LARGE1: variants seen among roughly 807,000 people sequenced by gnomAD.
LARGE1 encodes the protein xylosyl- and glucuronyltransferase LARGE1.
LARGE1 carries 43 observed loss-of-function variants against 87.6 expected under a neutral mutation model. The ratio of observed to expected loss-of-function variants is 0.49; its 90% CI spans 0.38 to 0.63. LARGE1 has a LOEUF of 0.63. Ranked by LOEUF, LARGE1 falls within the 30% of genes least tolerant of loss-of-function variation. The probability of loss-of-function intolerance (pLI) is 0.00; values close to 1 mark genes in which losing one functional copy is unlikely to be tolerated. For missense variants in LARGE1, 802 were observed against 1,000.2 expected, an observed-to-expected ratio of 0.80 and a Z score of 2.67; for synonymous variants, 434 against 394.6, an observed-to-expected ratio of 1.10 and a Z score of -1.18.
intron 3 of LARGE1, among the ~76,000 whole-genome samples, chr22:33,643,954 TGG>T (rs1187450942): frequency 6.6e-6 from 1 of 152,148 alleles, no homozygotes; most frequent in Non-Finnish European, 1.5e-5. Context: ...CAGGACCAGA[TGG>T]ATTCACAGCC....
intron 11 of LARGE1, among the ~76,000 whole-genome samples, chr22:33,258,684 A>C (rs1438947739): frequency 6.6e-6 from 1 of 152,208 alleles, no homozygotes; most frequent in Non-Finnish European, 1.5e-5. Context: ...TTTTGTTTTA[A>C]AGATAATATC....
At chr22:33,538,121 G>T (rs558007744) in intron 6 of LARGE1, among the ~76,000 whole-genome samples, 7 of 152,176 alleles carry the variant, frequency 4.6e-5, no homozygotes, top group African/African-American at 1.7e-4. Flanking sequence ...CTTTTCCAAG[G>T]TGCTGTTTTT....
intron 6 of LARGE1, among the ~76,000 whole-genome samples, chr22:33,512,036 A>T (rs1380826573): frequency 1.3e-5 from 2 of 152,244 alleles, no homozygotes; most frequent in Non-Finnish European, 2.9e-5. Flanking sequence ...TTCTTAAAAA[A>T]GTCCTGTAAA....
chr22:33,658,277 A>T (rs1031168812), intron 2 of LARGE1, among the ~76,000 whole-genome samples: 5 of 151,988 alleles, frequency 3.3e-5, no homozygotes, highest in East Asian at 1.9e-4. Flanking sequence ...ATCAGCATTT[A>T]AAAAAAAATT....
chr22:33,154,261 GAC>G, the LARGE1 span, among the ~76,000 whole-genome samples: 59 of 151,988 alleles, frequency 3.9e-4, no homozygotes, highest in African/African-American at 1.3e-3. Flanking sequence ...TTGTTTTTGA[GAC>G]AGAGTCTCAC....
intron 4 of LARGE1, among the ~76,000 whole-genome samples, chr22:33,623,552 C>T (rs373970941): frequency 4.6e-5 from 7 of 152,054 alleles, no homozygotes; most frequent in East Asian, 1.9e-4. Flanking sequence ...GTGAATTTGA[C>T]GCTTGCTAAC....
intron 1 of LARGE1, among the ~76,000 whole-genome samples, chr22:33,887,042 C>T (rs1308401870): frequency 6.6e-6 from 1 of 152,082 alleles, no homozygotes; most frequent in Non-Finnish European, 1.5e-5. Context: ...TAAACAGAGA[C>T]CTGGGTCAGA....
chr22:33,749,405 G>A (rs115487642), intron 2 of LARGE1, among the ~76,000 whole-genome samples: 2,470 of 152,232 alleles, frequency 0.016, 71 homozygotes, highest in African/African-American at 0.057. Flanking sequence ...GAGCCACAGC[G>A]CCCAGCCCTG....
chr22:33,690,989 T>G (rs2082082869), intron 2 of LARGE1, among the ~76,000 whole-genome samples: 2 of 152,274 alleles, frequency 1.3e-5, no homozygotes, highest in East Asian at 3.9e-4. Context: ...CTGCCAGTTA[T>G]TTCCTAGCTC....
At chr22:33,831,619 G>C (rs2062971955) in intron 1 of LARGE1, among the ~76,000 whole-genome samples, 1 of 152,072 alleles carries the variant, frequency 6.6e-6, no homozygotes, top group Non-Finnish European at 1.5e-5. Context: ...GATTGGAAAA[G>C]TATTCCTAAG....
chr22:33,782,450 T>C (rs557403229), intron 1 of LARGE1, among the ~76,000 whole-genome samples: 2 of 152,340 alleles, frequency 1.3e-5, no homozygotes, highest in African/African-American at 4.8e-5. Context: ...AACCACTAAA[T>C]TGTACATTAT....
At chr22:33,862,728 G>C (rs2063968778) in intron 1 of LARGE1, among the ~76,000 whole-genome samples, 1 of 152,140 alleles carries the variant, frequency 6.6e-6, no homozygotes, top group Non-Finnish European at 1.5e-5. Context: ...TGTGGGCTTG[G>C]TGTTATAAAA....
intron 11 of LARGE1, among the ~76,000 whole-genome samples, chr22:33,258,318 C>T (rs1263652745): frequency 1.3e-5 from 2 of 152,356 alleles, no homozygotes; most frequent in South Asian, 2.1e-4. Context: ...AGGTGTTAGC[C>T]ACCATGCTCA....
chr22:33,814,137 C>A (rs2086581005), intron 1 of LARGE1, among the ~76,000 whole-genome samples: 1 of 152,140 alleles, frequency 6.6e-6, no homozygotes, highest in Non-Finnish European at 1.5e-5. Context: ...TCTTGTTCGA[C>A]CATTTCAAAT....
At chr22:33,130,313 C>CAAAAAA in the LARGE1 span, among the ~76,000 whole-genome samples, 57 of 57,000 alleles carry the variant, frequency 1.0e-3, 1 homozygote, top group Admixed American at 1.2e-3. Context: ...GATTCCGTCT[C>CAAAAAA]AAAAAAAAAA....
chr22:33,786,516 T>TTA (rs1455811812), intron 1 of LARGE1, among the ~76,000 whole-genome samples: 1 of 152,264 alleles, frequency 6.6e-6, no homozygotes, highest in African/African-American at 2.4e-5. Flanking sequence ...TATTCCAACC[T>TTA]TATAAAGAGG....
At chr22:33,572,997 C>T (rs181861539) in intron 5 of LARGE1, among the ~76,000 whole-genome samples, 1 of 152,288 alleles carries the variant, frequency 6.6e-6, no homozygotes, top group Admixed American at 6.5e-5. Context: ...GCAGTTAAAC[C>T]TCTATGTACC....
At chr22:33,410,088 G>A (rs567949776) in intron 7 of LARGE1, among the ~76,000 whole-genome samples, 2 of 152,040 alleles carry the variant, frequency 1.3e-5, no homozygotes, top group Non-Finnish European at 2.9e-5. Context: ...TTGGTTTTAC[G>A]AACTACTGAA....
intron 4 of LARGE1, 46 bp from the exon 5 acceptor site, chr22:33,604,604 C>T: frequency 6.2e-7 from 1 of 1,612,964 alleles, no homozygotes; most frequent in Non-Finnish European, 8.5e-7. Context: ...AGGTACGGCT[C>T]TTTGAATTAC....
Sources: allele counts gnomAD v4.1 joint callset (sites outside exome capture counted in the v4.1 genomes callset), GRCh38; gene constraint gnomAD v4.1.1; transcripts MANE v1.5; gene names NCBI Gene and HGNC (gene_info 2026-07-23, HGNC 2026-07-21).